Variants in PNPLA3 observed in about 807,000 individuals in gnomAD.
PNPLA3 encodes 1-acylglycerol-3-phosphate O-acyltransferase PNPLA3.
PNPLA3 carries 42 observed loss-of-function variants against 43.1 expected under a neutral mutation model. That is an observed-to-expected ratio of 0.97 (90% CI 0.76 to 1.26). The LOEUF (loss-of-function observed/expected upper bound fraction) is 1.26. PNPLA3 is among the 50% of genes most tolerant of loss of function. PNPLA3 has a pLI of 0.00. For missense variants in PNPLA3, 647 were observed against 621.4 expected (o/e 1.04, Z -0.44); for synonymous variants, 272 against 253.6 (o/e 1.07, Z -0.69).
chr22:43,939,577 G>A (rs1335537904), intron 6 of PNPLA3: 4 of 224,658 alleles, frequency 1.8e-5, no homozygotes, highest in Non-Finnish European at 3.0e-5. Context: ...CACTTTGGGA[G>A]GCCGAGGTGG....
chr22:43,930,250 C>T (rs922230512), intron 3 of PNPLA3, among the ~76,000 whole-genome samples: 6 of 152,138 alleles, frequency 3.9e-5, no homozygotes, highest in Non-Finnish European at 7.3e-5. Flanking sequence ...CCAAAGAGCA[C>T]GGCCAGCGAG....
rs772164497 is a variant in PNPLA3, at chr22:43,926,903, C to T, written c.188-32C>T. Reference sequence around the variant, plus strand: ...AAAGTATTACCATCCCAGTGTGGTACATTCTTTCATGTATTTGTCTCCTGT... The same window carrying T: ...AAAGTATTACCATCCCAGTGTGGTATATTCTTTCATGTATTTGTCTCCTGT... On this transcript the variant is annotated intron_variant, in intron 1 of 8. Coordinates refer to ENST00000216180, the MANE Select transcript of PNPLA3 (RefSeq NM_025225.3). The T allele has an allele frequency of 5.7e-6, 9 of 1,582,692 alleles. No homozygotes were observed. The Admixed American group carries it at 1.5e-4, about 26-fold the overall frequency.
intron 1 of PNPLA3, 23 bp from the exon 2 acceptor site, chr22:43,926,912 A>C: frequency 1.2e-6 from 2 of 1,600,880 alleles, no homozygotes; most frequent in Non-Finnish European, 1.7e-6. Flanking sequence ...ACATTCTTTC[A>C]TGTATTTGTC....
At chr22:43,925,703 G>A (rs747406234) in intron 1 of PNPLA3, among the ~76,000 whole-genome samples, 11 of 152,172 alleles carry the variant, frequency 7.2e-5, no homozygotes, top group Non-Finnish European at 1.3e-4. Flanking sequence ...GGAGCAAAGG[G>A]CACGAAATGT....
intron 2 of PNPLA3, among the ~76,000 whole-genome samples, chr22:43,927,830 A>G (rs2049935129): frequency 6.6e-6 from 1 of 152,156 alleles, no homozygotes; most frequent in African/African-American, 2.4e-5. Context: ...GCTGGTCCCA[A>G]ACTCCTGCAC....
At position 43,946,788 on chromosome 22, in the gene PNPLA3, A is replaced by T. The variant is rs757559564; in HGVS notation, c.*406A>T. On this transcript the variant is annotated 3_prime_UTR_variant, in exon 9 of 9. Transcript: ENST00000216180. ...TCTTGTGGGGTGGAGGGAAGAGAAT[A>T]GCATGATCCCACTTCCCCATGCTGT... 1 of 519,574 alleles carries T rather than the reference A, an allele frequency of 1.9e-6. No individual in the cohort carries two copies. The highest frequency in any genetic ancestry group is 3.8e-6 in the Non-Finnish European group (1 of 261,252). 32.2% of individuals were successfully genotyped at this position (519,574 alleles called of 1,614,324 possible). A position where few individuals can be genotyped will look rare whatever the true frequency, so the allele number is the denominator to read the frequency against.
chr22:43,927,927 T>C (rs1193345885), intron 2 of PNPLA3, among the ~76,000 whole-genome samples: 3 of 152,172 alleles, frequency 2.0e-5, no homozygotes. Context: ...GACCGTCCAG[T>C]CCAAGGAACC....
At chr22:43,926,357 C>T (rs1376006115) in intron 1 of PNPLA3, among the ~76,000 whole-genome samples, 1 of 152,188 alleles carries the variant, frequency 6.6e-6, no homozygotes, top group Non-Finnish European at 1.5e-5. Flanking sequence ...GCAGATCAGC[C>T]TGAGAGGCCA....
Position 43,946,181 on chromosome 22 carries a change from G to GTGAGCA in PNPLA3, c.1245_1246insTGAGCA (p.Gln415_Ala416insTer), listed in dbSNP as rs1278344005. ...CCCAAATGCCAGTGAGCAGCCAACA[G>GTGAGCA]GCCTCCCCATGCACACCTGAGCAGG... is the stretch of plus-strand genomic sequence containing the variant. On this transcript the variant is annotated stop_gained and inframe_insertion, in exon 9 of 9. Transcript: ENST00000216180. LOFTEE classifies it low-confidence loss of function (END_TRUNC). The GTGAGCA allele has an allele frequency of 5.6e-6, 9 of 1,613,898 alleles. No individual in the cohort carries two copies. Among genetic ancestry groups the GTGAGCA allele is most frequent in the Admixed American group, 3.3e-5 (2 of 60,022 alleles).
Position 43,923,897 on chromosome 22 carries a change from C to CCCGCCG in PNPLA3, c.-6_-1dup, listed in dbSNP as rs758239071. ...CCCAGATCCTAACCCGCGCCCCCGC[C>CCCGCCG]CCGCCGCCGCCGCCATGTACGACGC... On this transcript the variant is annotated 5_prime_UTR_variant, in exon 1 of 9. Coordinates refer to ENST00000216180, the MANE Select transcript of PNPLA3 (RefSeq NM_025225.3). 17 of 1,500,924 alleles carry CCCGCCG rather than the reference C, an allele frequency of 1.1e-5. No individual in the cohort carries two copies. Among genetic ancestry groups the CCCGCCG allele is most frequent in the African/African-American group, 1.4e-5 (1 of 69,510 alleles). The allele number at this position is 1,500,924 out of a possible 1,614,324, so 93.0% of individuals were successfully genotyped here.
At chr22:43,941,090 A>T (rs1261014969) in intron 7 of PNPLA3, among the ~76,000 whole-genome samples, 1 of 139,530 alleles carries the variant, frequency 7.2e-6, no homozygotes, top group East Asian at 2.3e-4. Flanking sequence ...GGTTGGTTGC[A>T]GTGAGCCGAG....
chr22:43,933,140 C>T, intron 4 of PNPLA3, 53 bp downstream of exon 4: 5 of 1,513,806 alleles, frequency 3.3e-6, no homozygotes, highest in Non-Finnish European at 4.6e-6. Flanking sequence ...TTCTTTGCCT[C>T]CCTGATTGCC....
chr22:43,926,850 C>T, intron 1 of PNPLA3, 85 bp from the exon 2 acceptor site: 1 of 1,142,630 alleles, frequency 8.8e-7, no homozygotes, highest in Non-Finnish European at 1.3e-6. Flanking sequence ...TTGGTGGCAT[C>T]CTTGCTGTCT....
At chr22:43,935,503 C>A (rs1409018626) in intron 5 of PNPLA3, among the ~76,000 whole-genome samples, 1 of 151,950 alleles carries the variant, frequency 6.6e-6, no homozygotes, top group Non-Finnish European at 1.5e-5. Flanking sequence ...GAGGCTCATG[C>A]AGGATGGATC....
chr22:43,944,608 C>A, intron 7 of PNPLA3, 83 bp from the exon 8 acceptor site: 1 of 1,129,128 alleles, frequency 8.9e-7, no homozygotes, highest in Non-Finnish European at 1.3e-6. Flanking sequence ...GTGATGTTGG[C>A]AGCTTTTGTA....
chr22:43,939,881 C>G (rs948443190), intron 6 of PNPLA3, 112 bp from the exon 7 acceptor site: 1 of 1,494,060 alleles, frequency 6.7e-7, no homozygotes, highest in African/African-American at 1.4e-5. Flanking sequence ...TGCCTCTGAC[C>G]CTTTGGCTGC....
In PNPLA3 at chr22:43,938,087, A is replaced by C. The variant is rs2050007358; in HGVS notation, c.979+815A>C. 2.0e-5 allele frequency among the ~76,000 whole-genome samples: 3 copies of C among 152,148 alleles called. No individual in the cohort carries two copies. The South Asian group carries it at 6.2e-4, about 32-fold the overall frequency. On this transcript the variant is annotated intron_variant, in intron 6 of 8. Transcript: ENST00000216180. ...AAGCAGGCCCTCACCAGACACCAACATGTCTGCTGCCCCTTGATCTGGGAC... is the reference window on the plus strand; with the variant it reads ...AAGCAGGCCCTCACCAGACACCAACCTGTCTGCTGCCCCTTGATCTGGGAC...
chr22:43,923,846 GGACCCGAGCC>G lies in PNPLA3; in HGVS notation c.-63_-54del. On this transcript the variant is annotated 5_prime_UTR_variant, in exon 1 of 9. Transcript: ENST00000216180. The stretch of plus-strand genomic sequence containing the variant: ...CGCCGGGCGGAGCTGCTGCGGATCA[GGACCCGAGCC>G]GATTCCCGATCCCGACCCAGATCCT... 1 of 1,407,348 alleles carries G rather than the reference GGACCCGAGCC, an allele frequency of 7.1e-7. No homozygotes were observed. Among genetic ancestry groups the G allele is most frequent in the Non-Finnish European group, 9.3e-7 (1 of 1,079,188 alleles). 87.2% of individuals were successfully genotyped at this position (1,407,348 alleles called of 1,614,324 possible).
chr22:43,944,764 C>G lies in PNPLA3; in HGVS notation c.1186C>G (p.Arg396Gly). The G allele has an allele frequency of 6.2e-7, 1 of 1,614,176 alleles. No individual in the cohort carries two copies. The highest frequency in any genetic ancestry group is 8.5e-7 in the Non-Finnish European group (1 of 1,180,036). The change falls in exon 8 of 9, where the codon CGA (arginine) becomes GGA (glycine). Residue 396 changes from arginine (R) to glycine (G), a missense_variant. Physicochemically the swap from Arg to Gly is moderately radical, Grantham distance 125. Coordinates refer to ENST00000216180, the MANE Select transcript of PNPLA3 (RefSeq NM_025225.3). ...GTGGGTGACCTCACAGGTGTTCACT[C>G]GAGTGCTGATGTGTCTGCTCCCCGC... The part of the protein sequence containing the change: ...LQWVTSQVFT[R>G]VLMCLLPASR...
Sources: gnomAD v4.1 joint callset for allele counts (sites outside exome capture counted in the v4.1 genomes callset) on GRCh38, gnomAD v4.1.1 for gene constraint, MANE v1.5 for transcripts, NCBI Gene and HGNC (gene_info 2026-07-23, HGNC 2026-07-21) for gene names.